Variants in PREX1 observed in about 807,000 individuals in gnomAD.
PREX1 encodes phosphatidylinositol-3,4,5-trisphosphate dependent Rac exchange factor 1.
In PREX1, 41 loss-of-function variants were observed where a neutral mutation model predicts 198.3. That is an observed-to-expected ratio of 0.21 (90% confidence interval 0.16 to 0.27). The LOEUF (loss-of-function observed/expected upper bound fraction) is 0.27, where lower values mean the gene tolerates loss of function less well. Ranked by LOEUF, PREX1 falls within the 10% of genes least tolerant of loss-of-function variation. The pLI is 1.00. For missense variants in PREX1, 1,620 were observed against 2,200.7 expected (o/e 0.74, Z 5.28); for synonymous variants, 843 against 887.2 (o/e 0.95, Z 0.89).
intron 15 of PREX1, among the ~76,000 whole-genome samples, chr20:48,660,624 T>A (rs888253447): frequency 6.6e-6 from 1 of 152,198 alleles, no homozygotes; most frequent in African/African-American, 2.4e-5. Flanking sequence ...AAAAGGAGTC[T>A]GTGTATAAGA....
At chr20:48,808,115 T>C (rs917626107) in intron 1 of PREX1, among the ~76,000 whole-genome samples, 1 of 152,170 alleles carries the variant, frequency 6.6e-6, no homozygotes, top group Non-Finnish European at 1.5e-5. Flanking sequence ...TTCAAAGCTC[T>C]GTGTGTGGGG....
chr20:48,833,124 G>A, the PREX1 span, among the ~76,000 whole-genome samples: 21 of 152,292 alleles, frequency 1.4e-4, no homozygotes, highest in African/African-American at 4.6e-4. Flanking sequence ...ACCTCACAGC[G>A]TTGTTGTGCA....
At chr20:48,887,412 C>T in the PREX1 span, among the ~76,000 whole-genome samples, 1 of 151,706 alleles carries the variant, frequency 6.6e-6, no homozygotes, top group African/African-American at 2.4e-5. Context: ...ACCTGGCCAA[C>T]ATGGTTGACT....
chr20:48,834,362 A>AT, the PREX1 span, among the ~76,000 whole-genome samples: 45 of 150,014 alleles, frequency 3.0e-4, no homozygotes, highest in East Asian at 7.8e-4. Flanking sequence ...TGTCTGGGTT[A>AT]TTTTTTTTTT....
intron 1 of PREX1, among the ~76,000 whole-genome samples, chr20:48,750,052 A>AAACTC (rs2090127358): frequency 7.0e-6 from 1 of 143,568 alleles, no homozygotes; most frequent in Non-Finnish European, 1.6e-5. Context: ...GACCTTTCCC[A>AAACTC]AACTCACACC....
At chr20:48,706,687 A>C (rs943633651) in intron 6 of PREX1, among the ~76,000 whole-genome samples, 3 of 152,230 alleles carry the variant, frequency 2.0e-5, no homozygotes, top group Non-Finnish European at 2.9e-5. Context: ...CAGAGCTCTG[A>C]CATCACAAGG....
upstream of PREX1, among the ~76,000 whole-genome samples, chr20:48,828,038 C>CGGGGGCCGGGCGAGGGGCGGGA (rs2123096640): frequency 1.4e-5 from 2 of 143,932 alleles, no homozygotes; most frequent in African/African-American, 5.0e-5. Context: ...AGGCAGCGCG[C>CGGGGGCCGGGCGAGGGGCGGGA]GGGGGCCGGG....
chr20:48,776,466 C>T (rs1601129324), intron 1 of PREX1, among the ~76,000 whole-genome samples: 1 of 152,196 alleles, frequency 6.6e-6, no homozygotes, highest in Non-Finnish European at 1.5e-5. Context: ...CCTTGGCAAC[C>T]AGCCGCTGGA....
chr20:48,870,024 A>G, the PREX1 span, among the ~76,000 whole-genome samples: 1 of 152,332 alleles, frequency 6.6e-6, no homozygotes, highest in Non-Finnish European at 1.5e-5. Context: ...AAAGTAAAAT[A>G]AAATAAACAA....
chr20:48,861,394 G>C, the PREX1 span, among the ~76,000 whole-genome samples: 1 of 152,194 alleles, frequency 6.6e-6, no homozygotes, highest in Non-Finnish European at 1.5e-5. Context: ...AGATTTAAAA[G>C]CTGAGAGATA....
upstream of PREX1, among the ~76,000 whole-genome samples, chr20:48,830,172 T>G (rs1039844687): frequency 1.3e-5 from 2 of 152,154 alleles, no homozygotes; most frequent in African/African-American, 4.8e-5. Flanking sequence ...AAGACCAGCC[T>G]GGGCAACATA....
At chr20:48,634,620 T>C (rs1285733568) in intron 33 of PREX1, 56 bp downstream of exon 33, 1 of 1,563,482 alleles carries the variant, frequency 6.4e-7, no homozygotes, top group South Asian at 1.1e-5. Flanking sequence ...CAGAGAGCTG[T>C]CCCTTCCACC....
At chr20:48,644,985 A>G (rs1250952244) in intron 26 of PREX1, among the ~76,000 whole-genome samples, 1 of 152,226 alleles carries the variant, frequency 6.6e-6, no homozygotes, top group African/African-American at 2.4e-5. Context: ...TTGAAAATTA[A>G]AGGAAAAACT....
intron 1 of PREX1, among the ~76,000 whole-genome samples, chr20:48,800,685 C>T (rs2123007884): frequency 6.6e-6 from 1 of 152,286 alleles, no homozygotes; most frequent in Admixed American, 6.5e-5. Context: ...AGCCAGCTAT[C>T]CATGTACTGA....
At chr20:48,816,761 G>A (rs1005096459) in intron 1 of PREX1, among the ~76,000 whole-genome samples, 3 of 152,080 alleles carry the variant, frequency 2.0e-5, no homozygotes, top group Non-Finnish European at 4.4e-5. Flanking sequence ...TCCCTCCCAT[G>A]CCCCACACCC....
chr20:48,632,321 G>A lies in PREX1; in HGVS notation c.4482C>T (p.Asn1494=), dbSNP rs375390695. ...GCTGAACTTTCTCCAGGGACTGCGC[G>A]TTGATGTCCTGCTGCAAATCCTCCG... ...QAAEDLQQDI[N]AQSLEKVQQY... The change falls in exon 35 of 40, where the codon AAC becomes AAT. Residue 1494 remains asparagine, a synonymous_variant. Coordinates refer to ENST00000371941, the MANE Select transcript of PREX1 (RefSeq NM_020820.4). 2.5e-5 allele frequency: 40 copies of A among 1,614,000 alleles called. No individual in the cohort carries two copies. Among genetic ancestry groups the A allele is most frequent in the African/African-American group, 5.3e-5 (4 of 74,940 alleles).
intron 13 of PREX1, among the ~76,000 whole-genome samples, chr20:48,676,656 G>A (rs6063306): frequency 0.22 from 33,553 of 152,168 alleles, 4,408 homozygotes; most frequent in South Asian, 0.38. Context: ...TGTAGAGGCC[G>A]GGGATGCTGC....
chr20:48,672,290 G>GC (rs2089680761), intron 14 of PREX1, among the ~76,000 whole-genome samples: 1 of 152,182 alleles, frequency 6.6e-6, no homozygotes, highest in African/African-American at 2.4e-5. Flanking sequence ...CACCTGCAAC[G>GC]CCCTACTCAC....
chr20:48,803,358 G>A (rs2090396116), intron 1 of PREX1, among the ~76,000 whole-genome samples: 1 of 152,144 alleles, frequency 6.6e-6, no homozygotes, highest in African/African-American at 2.4e-5. Flanking sequence ...GCGGGTGGGG[G>A]AGGGAGAACA....
Sources: allele counts gnomAD v4.1 joint callset (sites outside exome capture counted in the v4.1 genomes callset), GRCh38; gene constraint gnomAD v4.1.1; transcripts MANE v1.5; gene names NCBI Gene and HGNC (gene_info 2026-07-23, HGNC 2026-07-21).